The following VSTM2A variants were observed in gnomAD, a reference collection of about 807,000 sequenced individuals.
VSTM2A encodes V-set and transmembrane domain containing 2A.
VSTM2A carries 13 observed loss-of-function variants against 27.3 expected under a neutral mutation model. The observed-to-expected ratio is 0.48, with a 90% CI of 0.31 to 0.76. VSTM2A has a LOEUF of 0.76. Among genes scored for constraint, VSTM2A ranks in the 30% least tolerant of loss-of-function variants. VSTM2A has a pLI of 0.05. For synonymous variants in VSTM2A, 142 were observed against 125.7 expected (o/e 1.13, Z -0.87); for missense variants, 280 against 310.0 (o/e 0.90, Z 0.73).
rs1034859487 is a variant in VSTM2A, at chr7:54,544,709, C to T, written c.167C>T (p.Ser56Leu). 1.2e-6 allele frequency: 2 copies of T among 1,612,632 alleles called. No individual in the cohort carries two copies. Among genetic ancestry groups the T allele is most frequent in the Non-Finnish European group, 1.7e-6 (2 of 1,179,860 alleles). ...TGCGCCTTCCAGAGCGGCTCCGCCT[C>T]GGTGTATCTGGAGATCCAATGGTGG... is the stretch of plus-strand genomic sequence containing the variant. ...MSCAFQSGSA[S>L]VYLEIQWWFL... The change falls in exon 2 of 5, where the codon TCG becomes TTG. Residue 56 changes from serine (S) to leucine (L), a missense_variant. Ser to Leu is a moderately radical substitution (Grantham distance 145, BLOSUM62 -2). Transcript: ENST00000402613.
In VSTM2A at chr7:54,550,141, C is replaced by A; in HGVS notation, c.605C>A (p.Ala202Asp). The stretch of plus-strand genomic sequence containing the variant: ...TCCACCTCCAGCCCTCAAGTGGTAG[C>A]CAAAATCCCCAAACAAAGTCCACAA... The part of the protein sequence containing the change: ...THSTSSPQVV[A>D]KIPKQSPQSA... Residue 202 changes from alanine (A) to aspartate (D), a missense_variant, in exon 4 of 5, where the codon GCC (alanine) becomes GAC (aspartate). Physicochemically the swap from Ala to Asp is moderately radical, Grantham distance 126. Coordinates refer to ENST00000402613, the MANE Select transcript of VSTM2A (RefSeq NM_001301009.2). 6.2e-7 allele frequency: 1 copy of A among 1,602,210 alleles called. No individual in the cohort carries two copies. Among genetic ancestry groups the A allele is most frequent in the South Asian group, 1.1e-5 (1 of 88,650 alleles).
At position 54,547,007 on chromosome 7, in the gene VSTM2A, G is replaced by C; in HGVS notation, c.297+10G>C. ...CGGGACCAAGATCAGCGTGAGTGCG[G>C]GGCGCGCCAAGGGCCGCGGGCCCAG... On this transcript the variant is annotated intron_variant, in intron 3 of 4. Coordinates refer to ENST00000402613, the MANE Select transcript of VSTM2A (RefSeq NM_001301009.2). 6.3e-7 allele frequency: 1 copy of C among 1,587,332 alleles called. No individual in the cohort carries two copies. Among genetic ancestry groups the C allele is most frequent in the Non-Finnish European group, 8.6e-7 (1 of 1,169,450 alleles).
At chr7:54,560,664 A>G (rs1306128340) in intron 4 of VSTM2A, among the ~76,000 whole-genome samples, 7 of 152,210 alleles carry the variant, frequency 4.6e-5, no homozygotes, top group Admixed American at 4.6e-4. Context: ...GGTATAAAAC[A>G]TACCTAATAT....
At chr7:54,544,220 T>A (rs1019085489) in intron 1 of VSTM2A, among the ~76,000 whole-genome samples, 1 of 152,250 alleles carries the variant, frequency 6.6e-6, no homozygotes, top group Admixed American at 6.5e-5. Context: ...TAGTGGTAGA[T>A]TGTTTAGAAA....
chr7:54,567,162 A>G (rs1362757896), intron 4 of VSTM2A, among the ~76,000 whole-genome samples: 1 of 152,234 alleles, frequency 6.6e-6, no homozygotes, highest in Non-Finnish European at 1.5e-5. Context: ...GATTTGCTTT[A>G]GAATTTACTA....
At chr7:54,565,251 G>T (rs867707713) in intron 4 of VSTM2A, among the ~76,000 whole-genome samples, 1 of 152,196 alleles carries the variant, frequency 6.6e-6, no homozygotes. Flanking sequence ...ATTTCACTTT[G>T]CTGGGTTACA....
chr7:54,548,731 A>G (rs1467052815), intron 3 of VSTM2A, among the ~76,000 whole-genome samples: 4 of 152,122 alleles, frequency 2.6e-5, no homozygotes. Context: ...TATACACATA[A>G]ACCCATAGGG....
chr7:54,565,958 G>A (rs1158789585), intron 4 of VSTM2A, among the ~76,000 whole-genome samples: 1 of 152,164 alleles, frequency 6.6e-6, no homozygotes, highest in Non-Finnish European at 1.5e-5. Flanking sequence ...GAAGAGAAAA[G>A]GATGAGAAAT....
intron 2 of VSTM2A, chr7:54,546,565 T>TGCCC (rs1554330513): frequency 0.01 from 1,451 of 140,004 alleles, 15 homozygotes; most frequent in South Asian, 0.042. Flanking sequence ...CCCCCCCGCC[T>TGCCC]GCCCGCCCGC....
chr7:54,557,678 G>A (rs1021933390), intron 4 of VSTM2A, among the ~76,000 whole-genome samples: 6 of 152,048 alleles, frequency 3.9e-5, no homozygotes, highest in African/African-American at 1.4e-4. Flanking sequence ...AATCCTCACA[G>A]GGTTTTGACA....
chr7:54,565,734 C>T (rs1396464460), intron 4 of VSTM2A, among the ~76,000 whole-genome samples: 1 of 152,234 alleles, frequency 6.6e-6, no homozygotes, highest in Non-Finnish European at 1.5e-5. Flanking sequence ...AAGGTCTCAA[C>T]TACTATGTTT....
intron 3 of VSTM2A, 110 bp from the exon 4 acceptor site, chr7:54,549,724 G>A (rs551563504): frequency 1.1e-5 from 11 of 998,062 alleles, no homozygotes; most frequent in Non-Finnish European, 1.6e-5. Context: ...CTATGGCTAT[G>A]GGGCCATTAA....
At chr7:54,552,720 G>T (rs1217564958) in intron 4 of VSTM2A, among the ~76,000 whole-genome samples, 1 of 152,144 alleles carries the variant, frequency 6.6e-6, no homozygotes, top group African/African-American at 2.4e-5. Flanking sequence ...TTCTATGAAA[G>T]GCAAGATGTG....
chr7:54,544,865 G>C, intron 2 of VSTM2A, 77 bp downstream of exon 2: 1 of 1,472,612 alleles, frequency 6.8e-7, no homozygotes, highest in Non-Finnish European at 9.0e-7. Context: ...GCTGGGGGCC[G>C]AGGTGCTGCC....
chr7:54,569,559 T>G lies in VSTM2A; in HGVS notation c.*340T>G, dbSNP rs1296519317. 1 of 218,636 alleles carries G rather than the reference T, an allele frequency of 4.6e-6. No homozygotes were observed. Among genetic ancestry groups the G allele is most frequent in the Non-Finnish European group, 9.0e-6 (1 of 110,614 alleles). 13.5% of individuals were successfully genotyped at this position (218,636 alleles called of 1,614,324 possible). A position where few individuals can be genotyped will look rare whatever the true frequency, so the allele number is the denominator to read the frequency against. ...AAGCTATCATCAGACAAAACCCCCTTTTTAGGGGAAGAACAAAACTATCAA... is the reference window on the plus strand; with the variant it reads ...AAGCTATCATCAGACAAAACCCCCTGTTTAGGGGAAGAACAAAACTATCAA... On this transcript the variant is annotated 3_prime_UTR_variant, in exon 5 of 5. Coordinates refer to ENST00000402613, the MANE Select transcript of VSTM2A (RefSeq NM_001301009.2).
chr7:54,556,780 A>G (rs1005759592), intron 4 of VSTM2A, among the ~76,000 whole-genome samples: 2 of 152,212 alleles, frequency 1.3e-5, no homozygotes, highest in African/African-American at 4.8e-5. Context: ...TGCAAACCAT[A>G]TTTAATTTTA....
At chr7:54,548,281 T>C (rs1788069662) in intron 3 of VSTM2A, among the ~76,000 whole-genome samples, 1 of 152,196 alleles carries the variant, frequency 6.6e-6, no homozygotes. Context: ...TAGTATTACC[T>C]ATGCCAATAA....
At chr7:54,560,930 A>G (rs1788542135) in intron 4 of VSTM2A, among the ~76,000 whole-genome samples, 1 of 152,174 alleles carries the variant, frequency 6.6e-6, no homozygotes, top group African/African-American at 2.4e-5. Flanking sequence ...TTCTTGCTTC[A>G]TTTTGATGGC....
intron 4 of VSTM2A, among the ~76,000 whole-genome samples, chr7:54,564,559 A>G (rs1788662377): frequency 6.6e-6 from 1 of 152,202 alleles, no homozygotes; most frequent in Non-Finnish European, 1.5e-5. Context: ...TAAGTTGTTT[A>G]CTTAGTTTTC....
Sources: allele counts gnomAD v4.1 joint callset (sites outside exome capture counted in the v4.1 genomes callset), GRCh38; gene constraint gnomAD v4.1.1; transcripts MANE v1.5; gene names NCBI Gene and HGNC (gene_info 2026-07-23, HGNC 2026-07-21).